ZMYND8: variants seen among roughly 807,000 people sequenced by gnomAD.
The protein encoded by ZMYND8 is zinc finger MYND-type containing 8.
Under a neutral mutation model 140.8 loss-of-function variants are expected in ZMYND8, and 37 were observed. The ratio of observed to expected loss-of-function variants is 0.26; its 90% confidence interval spans 0.20 to 0.35. ZMYND8 has a LOEUF of 0.35. Among genes scored for constraint, ZMYND8 ranks in the 10% least tolerant of loss-of-function variants. The pLI, the probability that ZMYND8 is intolerant of heterozygous loss-of-function variation, is 1.00. For missense variants in ZMYND8, 1,068 were observed against 1,570.0 expected, an observed-to-expected ratio of 0.68 and a Z score of 5.40; for synonymous variants, 592 against 597.1, an observed-to-expected ratio of 0.99 and a Z score of 0.12.
At chr20:47,306,967 G>C (rs190215453) in intron 3 of ZMYND8, among the ~76,000 whole-genome samples, 1 of 152,084 alleles carries the variant, frequency 6.6e-6, no homozygotes, top group Non-Finnish European at 1.5e-5. Context: ...GTGTCTAAAG[G>C]GGCAGGCTTG....
At chr20:47,249,226 T>A (rs936949136) in intron 13 of ZMYND8, 61 bp downstream of exon 13, 1 of 1,563,782 alleles carries the variant, frequency 6.4e-7, no homozygotes, top group East Asian at 2.3e-5. Flanking sequence ...CCAGGTGGTA[T>A]CCCTACCAGT....
intron 2 of ZMYND8, among the ~76,000 whole-genome samples, chr20:47,345,531 G>T (rs1282149085): frequency 2.0e-5 from 3 of 148,614 alleles, no homozygotes; most frequent in East Asian, 1.9e-4. Context: ...TTTTTAAGAC[G>T]GAGTCTCGCT....
In ZMYND8 at chr20:47,329,287, A is replaced by G. The variant is rs377263343; in HGVS notation, c.85+18569T>C. Reference sequence around the variant, plus strand: ...AATCAAGCTTGCTCGAATGATGGCAATGTTCTCGATCTGTTCTCTATCAGT... The same window carrying G: ...AATCAAGCTTGCTCGAATGATGGCAGTGTTCTCGATCTGTTCTCTATCAGT... On this transcript the variant is annotated intron_variant, in intron 2 of 22. Transcript: ENST00000471951. Among the ~76,000 whole-genome samples the G allele has an allele frequency of 5.9e-5, 9 of 152,308 alleles. No individual in the cohort carries two copies. In the East Asian group the frequency reaches 1.7e-3, roughly 29 times the overall value.
intron 3 of ZMYND8, among the ~76,000 whole-genome samples, chr20:47,308,213 C>A (rs1024936337): frequency 7.0e-6 from 1 of 142,050 alleles, no homozygotes; most frequent in Non-Finnish European, 1.5e-5. Flanking sequence ...CCATCTTGGA[C>A]GTGAGGTTTT....
chr20:47,327,839 A>C (rs943809481), intron 2 of ZMYND8, among the ~76,000 whole-genome samples: 1 of 152,164 alleles, frequency 6.6e-6, no homozygotes, highest in Admixed American at 6.6e-5. Context: ...TTCCAGAAAC[A>C]GGTCTTGCTC....
At chr20:47,244,603 G>T (rs1427632424) in intron 14 of ZMYND8, among the ~76,000 whole-genome samples, 1 of 152,166 alleles carries the variant, frequency 6.6e-6, no homozygotes, top group East Asian at 1.9e-4. Flanking sequence ...TGCCACATTT[G>T]TGACTGCCAC....
chr20:47,211,849 C>T (rs1485925154), intron 22 of ZMYND8, among the ~76,000 whole-genome samples: 1 of 151,952 alleles, frequency 6.6e-6, no homozygotes, highest in Non-Finnish European at 1.5e-5. Context: ...GGCTGCATTT[C>T]TTACTGCCTG....
At chr20:47,216,495 C>CAAAAAAAAAAAAAAAA (rs10536216) in intron 21 of ZMYND8, among the ~76,000 whole-genome samples, 1 of 59,440 alleles carries the variant, frequency 1.7e-5, no homozygotes, top group African/African-American at 6.1e-5. Context: ...GACTCTGTCT[C>CAAAAAAAAAAAAAAAA]AAAAAAAAAA....
chr20:47,286,971 G>A (rs1414747558), intron 8 of ZMYND8, among the ~76,000 whole-genome samples: 1 of 152,114 alleles, frequency 6.6e-6, no homozygotes, highest in Non-Finnish European at 1.5e-5. Context: ...CAGGAGGCCC[G>A]GTGCTTACTG....
intron 5 of ZMYND8, among the ~76,000 whole-genome samples, chr20:47,293,741 G>A (rs894354582): frequency 6.6e-6 from 1 of 152,104 alleles, no homozygotes; most frequent in African/African-American, 2.4e-5. Context: ...CCCCCTCAAC[G>A]TTTTACTATG....
chr20:47,293,089 G>T (rs2077373354), intron 5 of ZMYND8, among the ~76,000 whole-genome samples: 1 of 135,546 alleles, frequency 7.4e-6, no homozygotes, highest in Non-Finnish European at 1.6e-5. Flanking sequence ...GGGAGGTAGG[G>T]AGGGAGGGAG....
intron 16 of ZMYND8, among the ~76,000 whole-genome samples, chr20:47,235,684 G>A (rs2039136969): frequency 6.6e-6 from 1 of 151,218 alleles, no homozygotes; most frequent in Non-Finnish European, 1.5e-5. Flanking sequence ...TCCAGCCTGG[G>A]GAACAGAGTG....
intron 16 of ZMYND8, among the ~76,000 whole-genome samples, chr20:47,233,604 C>T (rs2147115460): frequency 6.6e-6 from 1 of 152,256 alleles, no homozygotes; most frequent in East Asian, 1.9e-4. Context: ...ATGCACAAAG[C>T]AGTTCAAAGC....
intron 8 of ZMYND8, among the ~76,000 whole-genome samples, chr20:47,284,179 T>TC (rs1301502597): frequency 6.6e-6 from 1 of 152,110 alleles, no homozygotes; most frequent in Non-Finnish European, 1.5e-5. Context: ...CGTCTCAGCC[T>TC]CCCAAACTGC....
At chr20:47,348,719 A>G (rs1344463713) in intron 1 of ZMYND8, 1 of 151,782 alleles carries the variant, frequency 6.6e-6, no homozygotes, top group African/African-American at 2.4e-5. Context: ...CACCCAGAAC[A>G]TTCTCTCTCT....
At chr20:47,356,596 G>T in intron 1 of ZMYND8, 61 bp downstream of exon 1, 1 of 1,613,964 alleles carries the variant, frequency 6.2e-7, no homozygotes, top group Non-Finnish European at 8.5e-7. Context: ...CACACTGCTC[G>T]CCCACAATTC....
intron 12 of ZMYND8, among the ~76,000 whole-genome samples, chr20:47,256,355 C>T (rs2074716979): frequency 6.6e-6 from 1 of 152,192 alleles, no homozygotes; most frequent in African/African-American, 2.4e-5. Context: ...CACAGTGGCT[C>T]ACGCCTGTAA....
intron 2 of ZMYND8, among the ~76,000 whole-genome samples, chr20:47,323,175 G>T (rs962885474): frequency 6.6e-6 from 1 of 152,116 alleles, no homozygotes; most frequent in African/African-American, 2.4e-5. Flanking sequence ...TTATTCTCCT[G>T]GGGGGAAGAG....
At position 47,285,450 on chromosome 20, in the gene ZMYND8, C is replaced by G. The variant is rs150786028; in HGVS notation, c.804+1779G>C. Among the ~76,000 whole-genome samples the G allele has an allele frequency of 3.2e-3, 488 of 152,304 alleles. 2 individuals carry two copies. The highest frequency in any genetic ancestry group is 5.3e-3 in the Non-Finnish European group (362 of 68,030). Reference sequence around the variant, plus strand: ...TTCCAAAGGAACATATCCAAAACAGCCTGTATGACTTTCTTCAAGGAAATG... The same window carrying G: ...TTCCAAAGGAACATATCCAAAACAGGCTGTATGACTTTCTTCAAGGAAATG... On this transcript the variant is annotated intron_variant, in intron 8 of 22. Coordinates refer to ENST00000471951, the MANE Select transcript of ZMYND8 (RefSeq NM_001281775.3).
Sources: allele counts gnomAD v4.1 joint callset (sites outside exome capture counted in the v4.1 genomes callset), GRCh38; gene constraint gnomAD v4.1.1; transcripts MANE v1.5; gene names NCBI Gene and HGNC (gene_info 2026-07-23, HGNC 2026-07-21).